The following IL6R variants were observed in gnomAD, a reference collection of about 807,000 sequenced individuals.
IL6R encodes interleukin 6 receptor.
In IL6R, 38 loss-of-function variants were observed where a neutral mutation model predicts 48.3. The observed-to-expected ratio is 0.79, with a 90% CI of 0.61 to 1.03. The LOEUF is 1.03. Among genes scored for constraint, IL6R ranks in the 50% least tolerant of loss-of-function variants. The pLI, the probability that IL6R is intolerant of heterozygous loss-of-function variation, is 0.00. For missense variants in IL6R, 534 were observed against 618.3 expected (o/e 0.86, Z 1.45); for synonymous variants, 264 against 256.2 (o/e 1.03, Z -0.29).
chr1:154,407,425 T>TCTCA (rs1357908629), intron 1 of IL6R, among the ~76,000 whole-genome samples: 1 of 152,062 alleles, frequency 6.6e-6, no homozygotes, highest in Non-Finnish European at 1.5e-5. Flanking sequence ...GGAGAGGTGG[T>TCTCA]CTCATGGCCT....
At position 154,454,472 on chromosome 1, in the gene IL6R, T is replaced by A. The variant is rs749746315; in HGVS notation, c.1067-16T>A. On this transcript the variant is annotated splice_polypyrimidine_tract_variant and intron_variant, in intron 8 of 9. Coordinates refer to ENST00000368485, the MANE Select transcript of IL6R (RefSeq NM_000565.4). ...CTCCTCTTCCTCCTCTATCTTCAAT[T>A]TTTTTTTTAACCTAGTGCAAGATTC... 69 of 1,523,518 alleles carry A rather than the reference T, an allele frequency of 4.5e-5. No individual in the cohort carries two copies. The highest frequency in any genetic ancestry group is 5.4e-5 in the Non-Finnish European group (60 of 1,101,738). The allele number at this position is 1,523,518 out of a possible 1,614,324, so 94.4% of individuals were successfully genotyped here.
rs1687658446 is a variant in IL6R at position 154,405,634 on chromosome 1, TGGCCGTC to T, written c.9_15del (p.Val4AlafsTer30). The T allele has an allele frequency of 1.3e-6, 2 of 1,532,346 alleles. No individual in the cohort carries two copies. The highest frequency in any genetic ancestry group is 1.7e-6 in the Non-Finnish European group (2 of 1,146,776). 94.9% of individuals were successfully genotyped at this position (1,532,346 alleles called of 1,614,324 possible). ...AGTGGTAGCCGAGGAGGAAGCATGCTGGCCGTCGGCTGCGCGCTGCTGGCTGCCCTGC... is the reference window on the plus strand; with the variant it reads ...AGTGGTAGCCGAGGAGGAAGCATGCTGGCTGCGCGCTGCTGGCTGCCCTGC... On this transcript the variant is annotated frameshift_variant, in exon 1 of 10. Transcript: ENST00000368485. LOFTEE classifies it high-confidence loss of function. The surrounding 1 kb of genome is among the most constrained non-coding windows in gnomAD (Gnocchi z 5.2).
rs141401613 is a variant in IL6R at position 154,419,144 on chromosome 1, T to C, written c.86-10052T>C. On this transcript the variant is annotated intron_variant, in intron 1 of 9. Coordinates refer to ENST00000368485, the MANE Select transcript of IL6R (RefSeq NM_000565.4). ...GCTGTGTGAATTTGGGCAAGTTCCC[T>C]AACTTCTCTGATCTCTTGTTGCCTC... Among the ~76,000 whole-genome samples the C allele has an allele frequency of 4.6e-3, 707 of 152,274 alleles. 5 individuals carry two copies. The highest frequency in any genetic ancestry group is 0.016 in the African/African-American group (670 of 41,542).
At position 154,405,362 on chromosome 1, in the gene IL6R, C is replaced by CA; in HGVS notation, c.-267dup. ...TTCCTCAAATGTTTTCCTGCGTTGC[C>CA]AGGACCGTCCGCCGCTCTGAGTCAT... On this transcript the variant is annotated 5_prime_UTR_variant, in exon 1 of 10. The change creates a premature stop within an existing upstream ORF in the 5' untranslated region. Transcript: ENST00000368485. The surrounding 1 kb of genome is among the most constrained non-coding windows in gnomAD (Gnocchi z 5.2). The CA allele has an allele frequency of 2.0e-6, 1 of 490,012 alleles. No individual in the cohort carries two copies. The highest frequency in any genetic ancestry group is 3.6e-6 in the Non-Finnish European group (1 of 278,152). 30.4% of individuals were successfully genotyped at this position (490,012 alleles called of 1,614,324 possible).
intron 8 of IL6R, among the ~76,000 whole-genome samples, chr1:154,453,280 T>G (rs547835530): frequency 6.6e-6 from 1 of 152,368 alleles, no homozygotes; most frequent in South Asian, 2.1e-4. Flanking sequence ...CTGCTTTCAT[T>G]ACACAGCTGC....
intron 1 of IL6R, among the ~76,000 whole-genome samples, chr1:154,409,291 G>A (rs140581006): frequency 3.4e-4 from 52 of 152,298 alleles, no homozygotes; most frequent in African/African-American, 1.2e-3. Flanking sequence ...ACTGGACGGT[G>A]CTGGGCTAGA....
rs1690879896 is a variant in IL6R, at chr1:154,456,217, T to TG, written c.1160+1636_1160+1637insG. On this transcript the variant is annotated intron_variant, in intron 9 of 9. Coordinates refer to ENST00000368485, the MANE Select transcript of IL6R (RefSeq NM_000565.4). ...GCCATGAATAGATTCTTTTTTTTTT[T>TG]TTTTTGAGATGGAGTTTCGCTTTTG... 2.6e-5 allele frequency among the ~76,000 whole-genome samples: 4 copies of TG among 151,444 alleles called. No individual in the cohort carries two copies. In the South Asian group the frequency reaches 8.4e-4, roughly 32 times the overall value.
At chr1:154,410,255 T>C (rs535946383) in intron 1 of IL6R, among the ~76,000 whole-genome samples, 5 of 143,538 alleles carry the variant, frequency 3.5e-5, no homozygotes, top group Admixed American at 3.5e-4. Context: ...GAAAAGGCCT[T>C]TTTTTTTTTT....
rs142245557 is a variant in IL6R at position 154,451,841 on chromosome 1, T to C, written c.1066+1861T>C. 9.0e-4 allele frequency among the ~76,000 whole-genome samples: 137 copies of C among 152,164 alleles called. No individual in the cohort carries two copies. The East Asian group carries it at 0.022, about 25-fold the overall frequency. On this transcript the variant is annotated intron_variant, in intron 8 of 9. Coordinates refer to ENST00000368485, the MANE Select transcript of IL6R (RefSeq NM_000565.4). ...GTGAGCCACCGCGCCTGGCCAGCAT[T>C]CTCAAATTTAACATGTCTAAAAGAG...
intron 1 of IL6R, among the ~76,000 whole-genome samples, chr1:154,410,498 G>C (rs183051413): frequency 6.6e-6 from 1 of 152,200 alleles, no homozygotes; most frequent in South Asian, 2.1e-4. Context: ...CAGTTCACCC[G>C]CCTTGGCCTC....
Position 154,454,960 on chromosome 1 carries a change from G to A in IL6R, c.1160+379G>A, listed in dbSNP as rs181943152. On this transcript the variant is annotated intron_variant, in intron 9 of 9. Transcript: ENST00000368485. ...AGCATCTCACTCTGTCACCCAGGCTGGAGTGCTGTGGTGCAATCTCGCCTC... is the reference window on the plus strand; with the variant it reads ...AGCATCTCACTCTGTCACCCAGGCTAGAGTGCTGTGGTGCAATCTCGCCTC... Among the ~76,000 whole-genome samples, 4 of 152,270 alleles carry A rather than the reference G, an allele frequency of 2.6e-5. No individual in the cohort carries two copies. The East Asian group carries it at 7.7e-4, about 29-fold the overall frequency.
intron 6 of IL6R, among the ~76,000 whole-genome samples, chr1:154,436,337 A>G (rs1167559272): frequency 6.6e-6 from 1 of 152,078 alleles, no homozygotes; most frequent in Non-Finnish European, 1.5e-5. Context: ...AATTAGCTGG[A>G]CATGGTGGCA....
At chr1:154,463,694 C>T (rs1360552315) in intron 9 of IL6R, among the ~76,000 whole-genome samples, 1 of 152,134 alleles carries the variant, frequency 6.6e-6, no homozygotes, top group Non-Finnish European at 1.5e-5. Flanking sequence ...TTGAAGGGCC[C>T]CTTTAGGAAG....
chr1:154,416,193 G>A (rs1024732571), intron 1 of IL6R, among the ~76,000 whole-genome samples: 7 of 151,728 alleles, frequency 4.6e-5, no homozygotes, highest in South Asian at 2.1e-4. Flanking sequence ...GCAGTGTCTT[G>A]ATCATAGCTC....
At chr1:154,427,044 A>G (rs1362293697) in intron 1 of IL6R, among the ~76,000 whole-genome samples, 1 of 151,452 alleles carries the variant, frequency 6.6e-6, no homozygotes, top group African/African-American at 2.4e-5. Flanking sequence ...TCAGCCTCCC[A>G]AGTAGCTGGG....
At chr1:154,430,944 G>C (rs760866697) in intron 3 of IL6R, among the ~76,000 whole-genome samples, 1 of 152,158 alleles carries the variant, frequency 6.6e-6, no homozygotes, top group Non-Finnish European at 1.5e-5. Context: ...TGGCTCTGCT[G>C]GGAATTCAAT....
At chr1:154,418,726 G>A (rs1688491697) in intron 1 of IL6R, among the ~76,000 whole-genome samples, 1 of 152,134 alleles carries the variant, frequency 6.6e-6, no homozygotes, top group Admixed American at 6.6e-5. Flanking sequence ...TGGGGAGGAC[G>A]CGAGATTTGG....
At chr1:154,412,260 T>G (rs111836951) in intron 1 of IL6R, among the ~76,000 whole-genome samples, 1 of 150,396 alleles carries the variant, frequency 6.6e-6, no homozygotes, top group African/African-American at 2.5e-5. Flanking sequence ...CTTTTTTTTT[T>G]GTTTTTGTTT....
At chr1:154,406,748 G>T (rs1171258575) in intron 1 of IL6R, among the ~76,000 whole-genome samples, 1 of 152,180 alleles carries the variant, frequency 6.6e-6, no homozygotes, top group Non-Finnish European at 1.5e-5. Flanking sequence ...GCAACTAGAG[G>T]CTGAGCTGGA....
Sources: gnomAD v4.1 joint callset for allele counts (sites outside exome capture counted in the v4.1 genomes callset) on GRCh38, gnomAD v4.1.1 for gene constraint, Gnocchi (gnomAD v3.1) non-coding constraint, MANE v1.5 for transcripts, NCBI Gene and HGNC (gene_info 2026-07-23, HGNC 2026-07-21) for gene names.